Variants in PFKFB1 observed in about 807,000 individuals in gnomAD.
PFKFB1 encodes the protein 6-phosphofructo-2-kinase/fructose-2,6-biphosphatase 1, also known as 6-phosphofructo-2-kinase/fructose-2,6-bisphosphatase 1.
PFKFB1 carries 34 observed loss-of-function variants against 46.4 expected under a neutral mutation model. The ratio of observed to expected loss-of-function variants is 0.73; its 90% confidence interval spans 0.56 to 0.98. PFKFB1 has a LOEUF of 0.98. Among genes scored for constraint, PFKFB1 ranks in the 50% least tolerant of loss-of-function variants. The pLI, the probability that PFKFB1 is intolerant of heterozygous loss-of-function variation, is 0.00. For synonymous variants in PFKFB1, 119 were observed against 133.8 expected (o/e 0.89, Z 0.76); for missense variants, 393 against 376.3 (o/e 1.04, Z -0.37).
chrX:54,947,154 A>G (rs1392149039), intron 9 of PFKFB1, among the ~76,000 whole-genome samples: 1 of 111,384 alleles, frequency 9.0e-6, no homozygotes, highest in Non-Finnish European at 1.9e-5. Flanking sequence ...GATCCTTTCT[A>G]CTTGGTTCAC....
rs1169267973 is a variant in PFKFB1, at chrX:54,956,169, C to G, written c.622G>C (p.Asp208His). 6 of 1,204,704 alleles carry G rather than the reference C, an allele frequency of 5.0e-6. No homozygotes were observed. The Admixed American group carries it at 1.1e-4, about 22-fold the overall frequency. Residue 208 changes from aspartate to histidine, a missense_variant, in exon 7 of 14, where the codon GAT becomes CAT. Asp to His is a moderately conservative substitution (Grantham distance 81). Transcript: ENST00000375006. ...GGCTCTTACCTGTCCAGTTCCTCAT[C>G]CAAGGGTTGGTAGTTGACCTCATAG... ...ECYEVNYQPL[D>H]EELDSHLSYI...
chrX:54,936,719 C>T (rs190959181), intron 11 of PFKFB1, among the ~76,000 whole-genome samples: 1 of 112,052 alleles, frequency 8.9e-6, no homozygotes, highest in African/African-American at 3.2e-5. Flanking sequence ...AACTGAGGAC[C>T]AGGCAGAGGA....
chrX:54,949,273 G>A (rs1417644041), intron 8 of PFKFB1, 52 bp from the exon 9 acceptor site: 1 of 1,056,906 alleles, frequency 9.5e-7, no homozygotes, highest in Non-Finnish European at 1.3e-6. Context: ...AGAGGTGAGA[G>A]AGAGCAGGGT....
chrX:54,938,115 C>T (rs1413425752), intron 10 of PFKFB1, among the ~76,000 whole-genome samples: 1 of 112,078 alleles, frequency 8.9e-6, no homozygotes, highest in East Asian at 2.8e-4. Flanking sequence ...GCCACAGCTG[C>T]CCTGCAGGCA....
chrX:54,994,124 AG>A lies in PFKFB1; in HGVS notation c.-118del. The stretch of plus-strand genomic sequence containing the variant: ...AGCAGCAGGTGGACAGGGCTGGGAC[AG>A]GGGGTGTACTGGGTTTCTGAGCCCT... On this transcript the variant is annotated 5_prime_UTR_variant, in exon 1 of 14. Transcript: ENST00000375006. 8.9e-7 allele frequency: 1 copy of A among 1,117,512 alleles called. No individual in the cohort carries two copies. The highest frequency in any genetic ancestry group is 1.8e-5 in the African/African-American group (1 of 55,151). 92.1% of individuals were successfully genotyped at this position (1,117,512 alleles called of 1,213,427 possible).
chrX:54,987,487 A>C (rs2146686513), intron 1 of PFKFB1, among the ~76,000 whole-genome samples: 1 of 111,456 alleles, frequency 9.0e-6, no homozygotes, highest in Non-Finnish European at 1.9e-5. Flanking sequence ...TTAGAAGAAA[A>C]GAAAATTATA....
intron 1 of PFKFB1, among the ~76,000 whole-genome samples, chrX:54,965,872 C>A (rs1408959300): frequency 3.7e-5 from 4 of 109,585 alleles, no homozygotes; most frequent in Non-Finnish European, 7.6e-5. Context: ...ATGTACATTA[C>A]AAACTTAATG....
intron 2 of PFKFB1, among the ~76,000 whole-genome samples, chrX:54,961,517 C>T (rs1004684953): frequency 8.9e-6 from 1 of 111,868 alleles, no homozygotes; most frequent in Non-Finnish European, 1.9e-5. Flanking sequence ...AGAAGATAAG[C>T]AGCCAAAGAG....
intron 8 of PFKFB1, among the ~76,000 whole-genome samples, chrX:54,949,900 CTT>C (rs1324850849): frequency 8.9e-6 from 1 of 112,547 alleles, no homozygotes; most frequent in Non-Finnish European, 1.9e-5. Flanking sequence ...ACTGTGAACA[CTT>C]ATTGCTTAAG....
chrX:54,940,676 A>G (rs914274072), intron 10 of PFKFB1, among the ~76,000 whole-genome samples: 2 of 111,424 alleles, frequency 1.8e-5, no homozygotes, highest in Admixed American at 9.5e-5. Flanking sequence ...AAGGAATCCA[A>G]CTTACAAGGG....
intron 7 of PFKFB1, among the ~76,000 whole-genome samples, chrX:54,954,557 T>A (rs1934080843): frequency 8.9e-6 from 1 of 112,078 alleles, no homozygotes; most frequent in South Asian, 3.7e-4. Context: ...TAAGATAGTT[T>A]TTTTTCTTAG....
At chrX:54,945,721 C>CGTGTGTGT (rs779266579) in intron 9 of PFKFB1, among the ~76,000 whole-genome samples, 178 bp from the exon 10 acceptor site, 1 of 88,702 alleles carries the variant, frequency 1.1e-5, no homozygotes, top group Admixed American at 1.6e-4. Flanking sequence ...TGTGTGTGTG[C>CGTGTGTGT]GTGTGTGTGT....
chrX:54,943,052 T>C (rs771410122), intron 10 of PFKFB1, among the ~76,000 whole-genome samples: 1 of 111,385 alleles, frequency 9.0e-6, no homozygotes, highest in South Asian at 3.8e-4. Context: ...AAGAAGATAA[T>C]AGAATGTGAG....
intron 9 of PFKFB1, among the ~76,000 whole-genome samples, chrX:54,946,985 A>G (rs1933829814): frequency 9.0e-6 from 1 of 111,613 alleles, no homozygotes; most frequent in Admixed American, 9.5e-5. Context: ...CTCATAGCCA[A>G]TTCCTGAGAT....
chrX:54,959,045 T>C (rs780718001), intron 4 of PFKFB1, 120 bp from the exon 5 acceptor site: 44 of 492,012 alleles, frequency 8.9e-5, no homozygotes, highest in Admixed American at 7.6e-4. Context: ...GAACAAGGTC[T>C]TGAAGGATAG....
intron 2 of PFKFB1, among the ~76,000 whole-genome samples, chrX:54,962,931 T>G (rs1381732125): frequency 1.8e-5 from 2 of 111,912 alleles, no homozygotes; most frequent in African/African-American, 6.5e-5. Context: ...GTAGTAATAT[T>G]GGTATGGCAA....
intron 10 of PFKFB1, among the ~76,000 whole-genome samples, chrX:54,942,478 G>A (rs1057278939): frequency 4.5e-5 from 5 of 111,843 alleles, no homozygotes; most frequent in Non-Finnish European, 7.5e-5. Context: ...TTGGTTTGAA[G>A]AATGTTATGC....
At chrX:54,934,875 C>G (rs999812201) in intron 12 of PFKFB1, 72 bp downstream of exon 12, 1 of 890,682 alleles carries the variant, frequency 1.1e-6, no homozygotes, top group African/African-American at 2.0e-5. Context: ...CTCTTCTGGG[C>G]AAATGGTAGG....
chrX:54,997,602 G>A (rs1935376827), upstream of PFKFB1, among the ~76,000 whole-genome samples: 1 of 111,733 alleles, frequency 8.9e-6, no homozygotes, highest in South Asian at 3.7e-4. Context: ...AGACTGTTTG[G>A]GTATGAATGC....
Sources: gnomAD v4.1 joint callset for allele counts (sites outside exome capture counted in the v4.1 genomes callset) on GRCh38, gnomAD v4.1.1 for gene constraint, MANE v1.5 for transcripts, NCBI Gene and HGNC (gene_info 2026-07-23, HGNC 2026-07-21) for gene names.